Variants in CCNB3 observed in about 807,000 individuals in gnomAD.
CCNB3 encodes cyclin B3, also known as G2/mitotic-specific cyclin-B3.
Under a neutral mutation model 68.0 loss-of-function variants are expected in CCNB3, and 12 were observed. The ratio of observed to expected loss-of-function variants is 0.18; its 90% CI spans 0.11 to 0.29. The LOEUF is 0.29. Ranked by LOEUF, CCNB3 falls within the 10% of genes least tolerant of loss-of-function variation. CCNB3 has a pLI of 1.00. For missense variants in CCNB3, 904 were observed against 993.1 expected, an observed-to-expected ratio of 0.91 and a Z score of 1.21; for synonymous variants, 354 against 388.9, an observed-to-expected ratio of 0.91 and a Z score of 1.06.
intron 5 of CCNB3, among the ~76,000 whole-genome samples, chrX:50,304,047 T>G (rs1199469466): frequency 8.9e-6 from 1 of 111,872 alleles, no homozygotes; most frequent in African/African-American, 3.2e-5. Context: ...GTTTTGAGTG[T>G]GGATGTCCAG....
At chrX:50,338,702 G>A (rs1922978050) in intron 8 of CCNB3, among the ~76,000 whole-genome samples, 1 of 112,373 alleles carries the variant, frequency 8.9e-6, no homozygotes, top group South Asian at 3.7e-4. Context: ...GACAATATGA[G>A]GGGTGGTCTC....
intron 1 of CCNB3, among the ~76,000 whole-genome samples, chrX:50,227,432 CAGAGAATATATACAAATATATAT>C (rs1935894704): frequency 1.2e-5 from 1 of 82,008 alleles, no homozygotes; most frequent in African/African-American, 4.6e-5. Flanking sequence ...TAAATATATA[CAGAGAATATATACAAATATATAT>C]AGAGAATATA....
Position 50,309,443 on chromosome X carries a change from C to T in CCNB3, c.1274C>T (p.Ser425Phe). The T allele has an allele frequency of 8.3e-7, 1 of 1,211,193 alleles. No individual in the cohort carries two copies. Among genetic ancestry groups the T allele is most frequent in the Non-Finnish European group, 1.1e-6 (1 of 895,170 alleles). The change falls in exon 6 of 13, where the codon TCT becomes TTT. Residue 425 changes from serine to phenylalanine, a missense_variant. Around this residue, in one of 2 missense-constraint regions of CCNB3, gnomAD observed 619 missense variants for 609.8 expected, o/e 1.02. Transcript: ENST00000376042. ...MKPLSIKEKPSTEKESFSQEP... is the reference protein window; with the variant it reads ...MKPLSIKEKPFTEKESFSQEP... ...CCATTGTCCATTAAAGAAAAGCCAT[C>T]TACTGAGAAGGAGTCCTTTTCCCAG...
upstream of CCNB3, chrX:50,204,463 T>C (rs1299060203): frequency 4.8e-5 from 5 of 104,603 alleles, no homozygotes; most frequent in Non-Finnish European, 9.8e-5. Context: ...CTGGTGGGGG[T>C]GCTTGGCAGC....
chrX:50,319,321 C>T (rs1401405167), intron 8 of CCNB3, among the ~76,000 whole-genome samples: 1 of 111,412 alleles, frequency 9.0e-6, no homozygotes, highest in Non-Finnish European at 1.9e-5. Context: ...TTATTTTTCT[C>T]ATCATATAGA....
intron 5 of CCNB3, among the ~76,000 whole-genome samples, chrX:50,305,767 TC>T (rs1371630160): frequency 4.4e-5 from 4 of 91,499 alleles, no homozygotes; most frequent in Non-Finnish European, 8.4e-5. Context: ...GGTTTTTTTT[TC>T]TTTCTTTCTT....
chrX:50,280,268 T>G (rs1336515519), intron 1 of CCNB3, among the ~76,000 whole-genome samples: 1 of 97,559 alleles, frequency 1.0e-5, no homozygotes, highest in Non-Finnish European at 2.0e-5. Context: ...ATATAGAATA[T>G]AGATATAAAT....
intron 1 of CCNB3, among the ~76,000 whole-genome samples, chrX:50,214,613 T>C (rs1249555728): frequency 2.1e-5 from 2 of 97,007 alleles, no homozygotes; most frequent in Non-Finnish European, 4.1e-5. Context: ...TATTAAATAG[T>C]ATATAATATT....
intron 5 of CCNB3, among the ~76,000 whole-genome samples, chrX:50,307,380 C>T (rs1921131116): frequency 9.0e-6 from 1 of 111,125 alleles, no homozygotes; most frequent in Non-Finnish European, 1.9e-5. Context: ...CCCAAGGTCA[C>T]CCAGTCAGTA....
intron 8 of CCNB3, among the ~76,000 whole-genome samples, chrX:50,333,766 T>G (rs1158254731): frequency 9.0e-6 from 1 of 110,968 alleles, no homozygotes; most frequent in Non-Finnish European, 1.9e-5. Context: ...TACCAATGCC[T>G]GGTAAGGGGT....
At chrX:50,350,979 G>C (rs1923649672) in intron 11 of CCNB3, among the ~76,000 whole-genome samples, 1 of 111,678 alleles carries the variant, frequency 9.0e-6, no homozygotes, top group African/African-American at 3.3e-5. Flanking sequence ...TTACAGGCAT[G>C]ATCCCTACCA....
At chrX:50,348,792 A>G (rs1241057617) in intron 11 of CCNB3, among the ~76,000 whole-genome samples, 1 of 112,095 alleles carries the variant, frequency 8.9e-6, no homozygotes, top group Non-Finnish European at 1.9e-5. Flanking sequence ...GGAAACTAGG[A>G]GTGGTGTTCA....
Position 50,309,772 on chromosome X carries a change from A to G in CCNB3, c.1603A>G (p.Lys535Glu), listed in dbSNP as rs1557214329. 2.5e-6 allele frequency: 3 copies of G among 1,210,560 alleles called. No homozygotes were observed. The highest frequency in any genetic ancestry group is 3.4e-6 in the Non-Finnish European group (3 of 894,745). Residue 535 changes from lysine (K) to glutamate (E), a missense_variant, in exon 6 of 13, where the codon AAA (lysine) becomes GAA (glutamate). Around this residue, in one of 2 missense-constraint regions of CCNB3, gnomAD observed 619 missense variants for 609.8 expected, o/e 1.02. Coordinates refer to ENST00000376042, the MANE Select transcript of CCNB3 (RefSeq NM_033031.3). The part of the protein sequence containing the change: ...PFKEEKVSLK[K>E]KCTTQEMMSI... ...TAAAGAAGAAAAAGTGTCTTTAAAG[A>G]AAAAGTGTACCACACAAGAGATGAT... is the stretch of plus-strand genomic sequence containing the variant.
chrX:50,292,395 C>G (rs1461547680), intron 4 of CCNB3, among the ~76,000 whole-genome samples: 1 of 110,092 alleles, frequency 9.1e-6, no homozygotes, highest in East Asian at 2.9e-4. Context: ...TAGAAAAGTC[C>G]TCATTTTGTT....
At chrX:50,227,765 A>C (rs1431906597) in intron 1 of CCNB3, among the ~76,000 whole-genome samples, 7 of 69,182 alleles carry the variant, frequency 1.0e-4, no homozygotes, top group Non-Finnish European at 1.8e-4. Context: ...AATATATATA[A>C]ATATATATAG....
In CCNB3 at chrX:50,310,796, G is replaced by A. The variant is rs145402279; in HGVS notation, c.2627G>A (p.Arg876Gln). ...PSIEQEALFK[R>Q]HSALWEKPST... ...ATTGAGCAGGAGGCCCTCTTTAAGC[G>A]ACACTCAGCTTTGTGGGAGAAGCCC... The change falls in exon 6 of 13, where the codon CGA becomes CAA. Residue 876 changes from arginine to glutamine, a missense_variant. Physicochemically the swap from Arg to Gln is conservative, Grantham distance 43. This residue lies in a region of CCNB3 where 619 missense variants were observed against 609.8 expected (regional missense o/e 1.02). Coordinates refer to ENST00000376042, the MANE Select transcript of CCNB3 (RefSeq NM_033031.3). 631 of 1,209,072 alleles carry A rather than the reference G, an allele frequency of 5.2e-4. 5 individuals are homozygous for A. In the African/African-American group the frequency reaches 9.9e-3, roughly 19 times the overall value.
At chrX:50,312,717 T>C in intron 7 of CCNB3, 85 bp downstream of exon 7, 1 of 585,796 alleles carries the variant, frequency 1.7e-6, no homozygotes, top group Non-Finnish European at 2.8e-6. Context: ...TTGAAAGGGG[T>C]GGTAATAATG....
intron 8 of CCNB3, among the ~76,000 whole-genome samples, chrX:50,325,855 G>C (rs782156622): frequency 1.6e-4 from 18 of 110,622 alleles, no homozygotes; most frequent in Non-Finnish European, 2.8e-4. Context: ...AATTGTTTAG[G>C]GTGTATCCTT....
chrX:50,326,431 T>C (rs1922299232), intron 8 of CCNB3, among the ~76,000 whole-genome samples: 1 of 112,023 alleles, frequency 8.9e-6, no homozygotes, highest in Admixed American at 9.5e-5. Context: ...TTATCTTTTA[T>C]TTTTTGACAT....
Sources: gnomAD v4.1 joint callset for allele counts (sites outside exome capture counted in the v4.1 genomes callset) on GRCh38, gnomAD v4.1.1 for gene constraint, gnomAD v4.1.1 regional missense constraint, MANE v1.5 for transcripts, NCBI Gene and HGNC (gene_info 2026-07-23, HGNC 2026-07-21) for gene names.